TWIST2: variants seen among roughly 807,000 people sequenced by gnomAD.
TWIST2 encodes twist family bHLH transcription factor 2.
TWIST2 carries 1 observed loss-of-function variant against 11.6 expected under a neutral mutation model. The observed-to-expected ratio is 0.09, with a 90% confidence interval of 0.03 to 0.41. TWIST2 has a LOEUF of 0.41. Among genes scored for constraint, TWIST2 ranks in the 10% least tolerant of loss-of-function variants. The pLI, the probability that TWIST2 is intolerant of heterozygous loss-of-function variation, is 0.98. For missense variants in TWIST2, 168 were observed against 226.4 expected (o/e 0.74, Z 1.66); for synonymous variants, 87 against 96.6 (o/e 0.90, Z 0.58).
At chr2:238,908,129 G>GATACC (rs1196129250) in intron 1 of TWIST2, among the ~76,000 whole-genome samples, 3 of 139,288 alleles carry the variant, frequency 2.2e-5, no homozygotes, top group South Asian at 4.7e-4. Context: ...CATACACATA[G>GATACC]ATACCATACC....
intron 1 of TWIST2, among the ~76,000 whole-genome samples, chr2:238,850,133 G>A (rs868306629): frequency 6.6e-6 from 1 of 152,062 alleles, no homozygotes; most frequent in Non-Finnish European, 1.5e-5. Context: ...TTTTATTTTG[G>A]TGTCACTGAA....
At chr2:238,905,946 CGCGCGTGTGTACGTGTGCGT>C (rs1693344496) in intron 1 of TWIST2, among the ~76,000 whole-genome samples, 1 of 109,426 alleles carries the variant, frequency 9.1e-6, no homozygotes, top group Non-Finnish European at 2.0e-5. Flanking sequence ...TGTGTGTGCG[CGCGCGTGTGTACGTGTGCGT>C]GTGTGTGCGC....
intron 1 of TWIST2, among the ~76,000 whole-genome samples, chr2:238,880,476 A>G (rs549409608): frequency 1.0e-4 from 11 of 105,062 alleles, no homozygotes; most frequent in Non-Finnish European, 1.9e-4. Flanking sequence ...GTTACTATTT[A>G]TTAGTGTCAG....
At chr2:238,856,817 CTG>C (rs535549146) in intron 1 of TWIST2, among the ~76,000 whole-genome samples, 57 of 152,282 alleles carry the variant, frequency 3.7e-4, no homozygotes, top group African/African-American at 1.3e-3. Flanking sequence ...AAAAACAACA[CTG>C]TGAAAATCCA....
Position 238,863,640 on chromosome 2 carries a change from A to G in TWIST2, c.*35+14907A>G, listed in dbSNP as rs1692474559. ...TAGTTGGGGATATCTGTTGTTAACC[A>G]TAAACCACTTCAGCTTTGGGGAAGC... On this transcript the variant is annotated intron_variant, in intron 1 of 1. Coordinates refer to ENST00000612363, the MANE Select transcript of TWIST2 (RefSeq NM_001271893.4). This position sits in a 1 kb window ranked among gnomAD's most constrained non-coding sequence, Gnocchi z 4.7. Among the ~76,000 whole-genome samples, 1 of 152,176 alleles carries G rather than the reference A, an allele frequency of 6.6e-6. No homozygotes were observed. The highest frequency in any genetic ancestry group is 2.4e-5 in the African/African-American group (1 of 41,456).
intron 1 of TWIST2, among the ~76,000 whole-genome samples, chr2:238,898,187 C>A (rs1401687557): frequency 2.6e-5 from 4 of 152,356 alleles, no homozygotes; most frequent in African/African-American, 9.6e-5. Flanking sequence ...TGCCTGTAAC[C>A]AGCTGCCCCT....
At chr2:238,902,476 G>A (rs1325469303) in intron 1 of TWIST2, among the ~76,000 whole-genome samples, 4 of 150,826 alleles carry the variant, frequency 2.7e-5, no homozygotes, top group Non-Finnish European at 4.4e-5. Context: ...GTGGTGTGAG[G>A]TGTGTGTGTG....
intron 1 of TWIST2, among the ~76,000 whole-genome samples, chr2:238,900,629 A>G (rs1693257552): frequency 2.6e-5 from 4 of 152,168 alleles, no homozygotes; most frequent in Admixed American, 2.0e-4. Context: ...GCTCTCCCGC[A>G]TGGTCCCTGG....
intron 1 of TWIST2, among the ~76,000 whole-genome samples, chr2:238,872,808 A>G (rs546508833): frequency 6.6e-6 from 1 of 152,312 alleles, no homozygotes; most frequent in East Asian, 1.9e-4. Context: ...GGTCACGGGC[A>G]TACGGCCCAG....
rs538542792 is a variant in TWIST2, at chr2:238,867,802, C to T, written c.*35+19069C>T. ...GTTAGGAGGCCAGGAGGGAAGCAGC[C>T]GTTCCCAGAGCTGAGGGGCATCCCT... is the stretch of plus-strand genomic sequence containing the variant. On this transcript the variant is annotated intron_variant, in intron 1 of 1. Coordinates refer to ENST00000612363, the MANE Select transcript of TWIST2 (RefSeq NM_001271893.4). This position sits in a 1 kb window ranked among gnomAD's most constrained non-coding sequence, Gnocchi z 4.8. 7.2e-5 allele frequency among the ~76,000 whole-genome samples: 11 copies of T among 152,222 alleles called. No homozygotes were observed. Among genetic ancestry groups the T allele is most frequent in the South Asian group, 6.2e-4 (3 of 4,816 alleles).
At chr2:238,878,783 AGAG>A (rs1692853341) in intron 1 of TWIST2, among the ~76,000 whole-genome samples, 1 of 152,140 alleles carries the variant, frequency 6.6e-6, no homozygotes, top group Non-Finnish European at 1.5e-5. Flanking sequence ...AGTGGAGAGG[AGAG>A]GAGGCTGTCC....
chr2:238,885,394 G>A (rs1188280786), intron 1 of TWIST2, among the ~76,000 whole-genome samples: 1 of 152,238 alleles, frequency 6.6e-6, no homozygotes, highest in Non-Finnish European at 1.5e-5. Flanking sequence ...TGGCTTTACA[G>A]TGCACATTTG....
rs1276809326 is a variant in TWIST2, at chr2:238,863,432, G to A, written c.*35+14699G>A. On this transcript the variant is annotated intron_variant, in intron 1 of 1. Coordinates refer to ENST00000612363, the MANE Select transcript of TWIST2 (RefSeq NM_001271893.4). The surrounding 1 kb of genome is among the most constrained non-coding windows in gnomAD (Gnocchi z 4.7). ...GGATGCACCCGGAATGTACCAGCGCGGCTCCCTGATGGAGCTGGCGACGTC... is the reference window on the plus strand; with the variant it reads ...GGATGCACCCGGAATGTACCAGCGCAGCTCCCTGATGGAGCTGGCGACGTC... Among the ~76,000 whole-genome samples, 3 of 152,170 alleles carry A rather than the reference G, an allele frequency of 2.0e-5. No individual in the cohort carries two copies. Among genetic ancestry groups the A allele is most frequent in the Admixed American group, 6.5e-5 (1 of 15,278 alleles).
chr2:238,853,430 A>AG (rs1251498933), intron 1 of TWIST2, among the ~76,000 whole-genome samples: 2 of 126,138 alleles, frequency 1.6e-5, no homozygotes, highest in African/African-American at 6.0e-5. Flanking sequence ...GGAGAGAGAG[A>AG]AGGAGAGAGG....
chr2:238,897,811 C>G (rs1236050338), intron 1 of TWIST2, among the ~76,000 whole-genome samples: 2 of 152,236 alleles, frequency 1.3e-5, no homozygotes, highest in African/African-American at 4.8e-5. Context: ...GGGAGCCTAC[C>G]CGGAGCCGTC....
chr2:238,910,003 C>T lies in TWIST2; in HGVS notation c.*197C>T, dbSNP rs1412601846. 1 of 152,162 alleles carries T rather than the reference C, an allele frequency of 6.6e-6. No homozygotes were observed. Among genetic ancestry groups the T allele is most frequent in the African/African-American group, 2.4e-5 (1 of 41,422 alleles). 9.4% of individuals were successfully genotyped at this position (152,162 alleles called of 1,614,324 possible). ...CAGAAGACCCGGGCTCCCGTCCTCC[C>T]CCAGGACGGTCCCCACATAGGAAGG... On this transcript the variant is annotated 3_prime_UTR_variant, in exon 2 of 2. Coordinates refer to ENST00000612363, the MANE Select transcript of TWIST2 (RefSeq NM_001271893.4).
intron 1 of TWIST2, among the ~76,000 whole-genome samples, chr2:238,858,012 T>C (rs1421438748): frequency 6.6e-6 from 1 of 152,180 alleles, no homozygotes; most frequent in African/African-American, 2.4e-5. Context: ...TCCCGGCTGG[T>C]TCCTCCAAAG....
At chr2:238,871,449 C>A (rs1171787378) in intron 1 of TWIST2, among the ~76,000 whole-genome samples, 1 of 64,050 alleles carries the variant, frequency 1.6e-5, no homozygotes, top group Non-Finnish European at 3.4e-5. Flanking sequence ...ACACCTTACC[C>A]CACACACACC....
At chr2:238,874,209 C>T (rs372627954) in intron 1 of TWIST2, among the ~76,000 whole-genome samples, 3 of 152,160 alleles carry the variant, frequency 2.0e-5, no homozygotes, top group African/African-American at 7.2e-5. Flanking sequence ...AGTGCAGCTA[C>T]CACTGTTCAA....
Sources: gnomAD v4.1 joint callset for allele counts (sites outside exome capture counted in the v4.1 genomes callset) on GRCh38, gnomAD v4.1.1 for gene constraint, Gnocchi (gnomAD v3.1) non-coding constraint, MANE v1.5 for transcripts, NCBI Gene and HGNC (gene_info 2026-07-23, HGNC 2026-07-21) for gene names.